FAM117B: variants seen among roughly 807,000 people sequenced by gnomAD.
The protein encoded by FAM117B is protein FAM117B.
A neutral mutation model predicts 52.8 loss-of-function variants in FAM117B; 22 were observed. The observed-to-expected ratio is 0.42, with a 90% CI of 0.30 to 0.59. The LOEUF is 0.59. FAM117B is among the 20% of genes least tolerant of loss of function. The pLI, the probability that FAM117B is intolerant of heterozygous loss-of-function variation, is 0.22. For missense variants in FAM117B, 678 were observed against 802.6 expected (o/e 0.84, Z 1.88); for synonymous variants, 309 against 324.1 (o/e 0.95, Z 0.50).
Position 202,635,171 on chromosome 2 carries a change from CG to C in FAM117B, c.-13del. The C allele has an allele frequency of 7.9e-7, 1 of 1,265,976 alleles. No individual in the cohort carries two copies. Among genetic ancestry groups the C allele is most frequent in the South Asian group, 2.7e-5 (1 of 36,804 alleles). The allele number at this position is 1,265,976 out of a possible 1,614,324, so 78.4% of individuals were successfully genotyped here. On this transcript the variant is annotated 5_prime_UTR_variant, in exon 1 of 8. Transcript: ENST00000392238. ...AAAACCCCCCGTCTCGCCCAGTCACCGGGGAGGGGGGGGACCATGTCCCAGC... is the reference window on the plus strand; with the variant it reads ...AAAACCCCCCGTCTCGCCCAGTCACCGGGAGGGGGGGGACCATGTCCCAGC...
intron 7 of FAM117B, among the ~76,000 whole-genome samples, chr2:202,764,746 T>G (rs1691949492): frequency 6.6e-6 from 1 of 152,246 alleles, no homozygotes; most frequent in Non-Finnish European, 1.5e-5. Flanking sequence ...CAATTTGGGT[T>G]AATTTTCAGG....
chr2:202,697,485 G>A (rs1323304798), intron 2 of FAM117B, among the ~76,000 whole-genome samples: 1 of 151,556 alleles, frequency 6.6e-6, no homozygotes, highest in Non-Finnish European at 1.5e-5. Context: ...GGTACATCTT[G>A]ATTTAGACTT....
At chr2:202,741,365 G>C (rs1441794710) in intron 4 of FAM117B, among the ~76,000 whole-genome samples, 2 of 118,922 alleles carry the variant, frequency 1.7e-5, no homozygotes, top group Admixed American at 1.1e-4. Context: ...GTTGCAGTGA[G>C]CCAGATCATG....
At chr2:202,650,406 A>G (rs1380807965) in intron 1 of FAM117B, among the ~76,000 whole-genome samples, 1 of 152,206 alleles carries the variant, frequency 6.6e-6, no homozygotes, top group Non-Finnish European at 1.5e-5. Flanking sequence ...AGCATAATGC[A>G]CTAAAATTTT....
chr2:202,715,164 A>G (rs1345754091), intron 2 of FAM117B, among the ~76,000 whole-genome samples: 8 of 138,962 alleles, frequency 5.8e-5, no homozygotes, highest in African/African-American at 1.1e-4. Context: ...GCAGGGGCTG[A>G]CCCCCCACCT....
intron 1 of FAM117B, among the ~76,000 whole-genome samples, chr2:202,683,198 T>C (rs539239574): frequency 2.1e-4 from 32 of 152,124 alleles, no homozygotes; most frequent in African/African-American, 7.2e-4. Flanking sequence ...CGTGGTGGCA[T>C]GTGCCTGTAA....
chr2:202,764,895 A>AT (rs1162973167), intron 7 of FAM117B, among the ~76,000 whole-genome samples: 1 of 152,110 alleles, frequency 6.6e-6, no homozygotes, highest in African/African-American at 2.4e-5. Context: ...CATCAAAGAG[A>AT]TTTTTACAAG....
chr2:202,731,797 A>G (rs1405704055), intron 4 of FAM117B, among the ~76,000 whole-genome samples: 2 of 149,694 alleles, frequency 1.3e-5, no homozygotes, highest in African/African-American at 2.5e-5. Context: ...GTGCAATGGC[A>G]TGATCTTGGC....
chr2:202,714,283 C>T (rs1387893556), intron 2 of FAM117B, among the ~76,000 whole-genome samples: 2 of 151,982 alleles, frequency 1.3e-5, no homozygotes, highest in Non-Finnish European at 2.9e-5. Flanking sequence ...TATTCTACAG[C>T]TGTTGGTTGA....
intron 2 of FAM117B, among the ~76,000 whole-genome samples, chr2:202,698,973 A>G (rs902475246): frequency 6.6e-6 from 1 of 152,202 alleles, no homozygotes; most frequent in African/African-American, 2.4e-5. Flanking sequence ...AGAGTATGCT[A>G]TCATACAAGC....
intron 1 of FAM117B, among the ~76,000 whole-genome samples, chr2:202,665,221 C>T (rs1487490515): frequency 2.0e-5 from 3 of 151,038 alleles, no homozygotes; most frequent in Non-Finnish European, 4.4e-5. Flanking sequence ...TCGTATGCTG[C>T]CCAGCTGGAG....
At chr2:202,647,651 T>G (rs934857271) in intron 1 of FAM117B, among the ~76,000 whole-genome samples, 1 of 152,224 alleles carries the variant, frequency 6.6e-6, no homozygotes, top group Non-Finnish European at 1.5e-5. Flanking sequence ...ATCTAGAACT[T>G]ATTTTGGGGC....
intron 4 of FAM117B, among the ~76,000 whole-genome samples, chr2:202,736,896 CA>C (rs1426136043): frequency 1.3e-5 from 2 of 151,788 alleles, no homozygotes; most frequent in African/African-American, 4.9e-5. Context: ...ACTTGCCTAT[CA>C]AAGCACATTT....
intron 4 of FAM117B, among the ~76,000 whole-genome samples, chr2:202,754,168 A>G (rs1057296947): frequency 6.6e-6 from 1 of 152,248 alleles, no homozygotes; most frequent in African/African-American, 2.4e-5. Flanking sequence ...AATGTGGTAC[A>G]TATACTTCAT....
intron 1 of FAM117B, among the ~76,000 whole-genome samples, chr2:202,676,441 G>A (rs151312575): frequency 4.9e-4 from 74 of 150,588 alleles, no homozygotes; most frequent in East Asian, 2.5e-3. Context: ...TTGCAGTGGC[G>A]CTATCTCAGC....
At position 202,695,915 on chromosome 2, in the gene FAM117B, C is replaced by T. The variant is rs1408186757; in HGVS notation, c.636C>T (p.Ser212=). The T allele has an allele frequency of 2.7e-5, 43 of 1,611,958 alleles. No individual in the cohort carries two copies. Among genetic ancestry groups the T allele is most frequent in the Non-Finnish European group, 3.6e-5 (42 of 1,178,962 alleles). The change falls in exon 2 of 8, where the codon TCC becomes TCT. Residue 212 remains serine (S), a synonymous_variant. Coordinates refer to ENST00000392238, the MANE Select transcript of FAM117B (RefSeq NM_173511.4). The stretch of plus-strand genomic sequence containing the variant: ...CACGACAGCCTTCTTCAAGCCCCTC[C>T]AGTATTATCCGACGCACTTCCTCCC... ...DKTRQPSSSP[S]SIIRRTSSLD...
At chr2:202,675,550 T>C (rs1268946015) in intron 1 of FAM117B, among the ~76,000 whole-genome samples, 2 of 151,644 alleles carry the variant, frequency 1.3e-5, no homozygotes, top group African/African-American at 4.8e-5. Flanking sequence ...TCATTTGTGG[T>C]GTTTAGCACC....
intron 2 of FAM117B, among the ~76,000 whole-genome samples, chr2:202,712,109 A>G (rs576134815): frequency 6.6e-6 from 1 of 152,050 alleles, no homozygotes; most frequent in East Asian, 1.9e-4. Context: ...TAGAGATTGC[A>G]TTAAATCTGT....
rs1461401892 is a variant in FAM117B at position 202,766,759 on chromosome 2, T to C, written c.*995T>C. 1 of 152,258 alleles carries C rather than the reference T, an allele frequency of 6.6e-6. No individual in the cohort carries two copies. Among genetic ancestry groups the C allele is most frequent in the Non-Finnish European group, 1.5e-5 (1 of 68,084 alleles). The allele number at this position is 152,258 out of a possible 1,614,324, so 9.4% of individuals were successfully genotyped here. A position where few individuals can be genotyped will look rare whatever the true frequency, so the allele number is the denominator to read the frequency against. On this transcript the variant is annotated 3_prime_UTR_variant, in exon 8 of 8. Coordinates refer to ENST00000392238, the MANE Select transcript of FAM117B (RefSeq NM_173511.4). ...CATTCTACCTTTAATCATCACTGTA[T>C]CATAGCCCCAAAGAGATCCTGAAAT...
Sources: gnomAD v4.1 joint callset for allele counts (sites outside exome capture counted in the v4.1 genomes callset) on GRCh38, gnomAD v4.1.1 for gene constraint, MANE v1.5 for transcripts, NCBI Gene and HGNC (gene_info 2026-07-23, HGNC 2026-07-21) for gene names.